The following ARHGAP24 variants were observed in gnomAD, a reference collection of about 807,000 sequenced individuals.
ARHGAP24 encodes Rho GTPase activating protein 24.
A neutral mutation model predicts 76.4 loss-of-function variants in ARHGAP24; 50 were observed. The ratio of observed to expected loss-of-function variants is 0.65; its 90% CI spans 0.52 to 0.83. The LOEUF is 0.83. ARHGAP24 is among the 40% of genes least tolerant of loss of function. The pLI, the probability that ARHGAP24 is intolerant of heterozygous loss-of-function variation, is 0.00. For missense variants in ARHGAP24, 930 were observed against 914.2 expected (o/e 1.02, Z -0.22); for synonymous variants, 345 against 323.3 (o/e 1.07, Z -0.72).
intron 3 of ARHGAP24, among the ~76,000 whole-genome samples, chr4:85,793,857 A>G (rs1384234512): frequency 6.6e-6 from 1 of 152,214 alleles, no homozygotes; most frequent in South Asian, 2.1e-4. Flanking sequence ...TGTAAGCATA[A>G]TATAAGAAAA....
At chr4:85,999,750 T>C (rs1740894014) in intron 9 of ARHGAP24, 1 of 152,226 alleles carries the variant, frequency 6.6e-6, no homozygotes, top group South Asian at 2.1e-4. Context: ...CTGCGAATTC[T>C]ACAATTATCC....
At chr4:86,000,249 G>A in intron 9 of ARHGAP24, 1 of 416,832 alleles carries the variant, frequency 2.4e-6, no homozygotes, top group Non-Finnish European at 4.5e-6. Context: ...GCTTCCAAGA[G>A]AGGCCTTGGG....
At chr4:85,822,745 T>C (rs1431295165) in intron 3 of ARHGAP24, among the ~76,000 whole-genome samples, 8 of 152,246 alleles carry the variant, frequency 5.3e-5, no homozygotes, top group Non-Finnish European at 8.8e-5. Flanking sequence ...TTATGCTCTT[T>C]ATATTTATAC....
chr4:85,851,041 C>G (rs1306234679), intron 3 of ARHGAP24, among the ~76,000 whole-genome samples: 4 of 152,086 alleles, frequency 2.6e-5, no homozygotes, highest in African/African-American at 9.7e-5. Flanking sequence ...TTAATATTGA[C>G]AGTGGGGTGT....
intron 2 of ARHGAP24, among the ~76,000 whole-genome samples, chr4:85,609,263 C>T (rs1210116552): frequency 6.6e-6 from 1 of 152,146 alleles, no homozygotes; most frequent in East Asian, 1.9e-4. Context: ...ATTTTCTCTT[C>T]ATTGAGAAAT....
intron 4 of ARHGAP24, chr4:85,931,181 C>G: frequency 3.6e-6 from 3 of 843,718 alleles, no homozygotes; most frequent in Non-Finnish European, 5.3e-6. Flanking sequence ...TTGTGCGTAT[C>G]CTTGCTTGTC....
intron 1 of ARHGAP24, among the ~76,000 whole-genome samples, chr4:85,569,664 G>GA (rs1726997169): frequency 2.0e-5 from 3 of 152,234 alleles, no homozygotes; most frequent in South Asian, 2.1e-4. Flanking sequence ...AAAAACTATA[G>GA]AAAAAACTAG....
chr4:85,593,262 A>T (rs932676565), intron 2 of ARHGAP24, among the ~76,000 whole-genome samples: 3 of 152,142 alleles, frequency 2.0e-5, no homozygotes, highest in African/African-American at 7.2e-5. Flanking sequence ...CTTTTGGGAA[A>T]TGCCTATTCA....
At chr4:85,724,528 T>A (rs1379366372) in intron 3 of ARHGAP24, among the ~76,000 whole-genome samples, 1 of 107,832 alleles carries the variant, frequency 9.3e-6, no homozygotes, top group African/African-American at 3.2e-5. Flanking sequence ...TATATATATA[T>A]AGGAATTTTT....
intron 3 of ARHGAP24, among the ~76,000 whole-genome samples, chr4:85,794,862 G>C (rs1022165319): frequency 3.9e-5 from 6 of 152,198 alleles, no homozygotes; most frequent in Non-Finnish European, 7.3e-5. Context: ...GTAACACTGA[G>C]CCTGCAGCCA....
intron 2 of ARHGAP24, among the ~76,000 whole-genome samples, chr4:85,668,331 A>T (rs565915601): frequency 6.6e-6 from 1 of 152,350 alleles, no homozygotes; most frequent in South Asian, 2.1e-4. Context: ...TCCTTCATCT[A>T]TCTATTCAAC....
intron 1 of ARHGAP24, among the ~76,000 whole-genome samples, chr4:85,565,216 G>T (rs1726792841): frequency 6.6e-6 from 1 of 151,908 alleles, no homozygotes; most frequent in Non-Finnish European, 1.5e-5. Context: ...ATAAGAAAAA[G>T]TAGAATTTAG....
intron 2 of ARHGAP24, among the ~76,000 whole-genome samples, chr4:85,621,428 CTGTTA>C (rs369699695): frequency 2.2e-4 from 34 of 152,178 alleles, no homozygotes; most frequent in African/African-American, 7.5e-4. Context: ...TTGCCAACAT[CTGTTA>C]TATTTTGACT....
chr4:85,786,618 T>G (rs1359623093), intron 3 of ARHGAP24, among the ~76,000 whole-genome samples: 1 of 152,122 alleles, frequency 6.6e-6, no homozygotes, highest in East Asian at 1.9e-4. Context: ...ATTGTGGCAG[T>G]TTTATAATAT....
At chr4:85,550,048 G>C (rs1726067807) in intron 1 of ARHGAP24, among the ~76,000 whole-genome samples, 3 of 152,166 alleles carry the variant, frequency 2.0e-5, no homozygotes, top group Admixed American at 2.0e-4. Flanking sequence ...ATTGTGAATA[G>C]TACAGTGATG....
chr4:85,766,201 T>C (rs931316925), intron 3 of ARHGAP24, among the ~76,000 whole-genome samples: 16 of 151,882 alleles, frequency 1.1e-4, no homozygotes, highest in African/African-American at 3.6e-4. Context: ...TCTATATAGA[T>C]GAAGGAAGTA....
chr4:85,962,675 G>T (rs1321915841), intron 5 of ARHGAP24, among the ~76,000 whole-genome samples: 1 of 151,600 alleles, frequency 6.6e-6, no homozygotes, highest in Non-Finnish European at 1.5e-5. Flanking sequence ...TATACTTTGT[G>T]AATTTAGGAA....
chr4:85,721,339 G>A (rs1249677069), intron 2 of ARHGAP24, among the ~76,000 whole-genome samples: 1 of 150,252 alleles, frequency 6.7e-6, no homozygotes. Flanking sequence ...AGGTTGCAGC[G>A]AGCCAAGATC....
intron 3 of ARHGAP24, among the ~76,000 whole-genome samples, chr4:85,808,755 C>T (rs1359745104): frequency 6.6e-6 from 1 of 152,108 alleles, no homozygotes; most frequent in Non-Finnish European, 1.5e-5. Context: ...CATTCCTGTT[C>T]TGCCATCTCA....
Sources: gnomAD v4.1 joint callset for allele counts (sites outside exome capture counted in the v4.1 genomes callset) on GRCh38, gnomAD v4.1.1 for gene constraint, MANE v1.5 for transcripts, NCBI Gene and HGNC (gene_info 2026-07-23, HGNC 2026-07-21) for gene names.